Variants in LMBRD1 observed in about 807,000 individuals in gnomAD.
The protein encoded by LMBRD1 is LMBR1 domain containing 1.
A neutral mutation model predicts 74.8 loss-of-function variants in LMBRD1; 64 were observed. The ratio of observed to expected loss-of-function variants is 0.86; its 90% CI spans 0.70 to 1.05. The LOEUF (loss-of-function observed/expected upper bound fraction) is 1.05, where lower values mean the gene tolerates loss of function less well. Among genes scored for constraint, LMBRD1 ranks in the 50% least tolerant of loss-of-function variants. The pLI is 0.00. For missense variants in LMBRD1, 652 were observed against 645.9 expected, an observed-to-expected ratio of 1.01 and a Z score of -0.10; for synonymous variants, 204 against 216.3, an observed-to-expected ratio of 0.94 and a Z score of 0.50.
At chr6:69,736,829 A>G (rs1384420422) in intron 7 of LMBRD1, among the ~76,000 whole-genome samples, 2 of 152,196 alleles carry the variant, frequency 1.3e-5, no homozygotes, top group East Asian at 3.9e-4. Flanking sequence ...TCTAATTCCT[A>G]ATTTGTTATT....
At chr6:69,783,935 C>T (rs1336965063) in intron 2 of LMBRD1, among the ~76,000 whole-genome samples, 1 of 152,194 alleles carries the variant, frequency 6.6e-6, no homozygotes, top group Non-Finnish European at 1.5e-5. Flanking sequence ...GCATCTTTTA[C>T]TCTATAAGGA....
chr6:69,675,632 C>T lies in LMBRD1; in HGVS notation c.*526G>A, dbSNP rs1765529194. Among the ~76,000 whole-genome samples, 1 of 152,110 alleles carries T rather than the reference C, an allele frequency of 6.6e-6. No individual in the cohort carries two copies. Among genetic ancestry groups the T allele is most frequent in the African/African-American group, 2.4e-5 (1 of 41,426 alleles). ...GAACGCCATGCTCTTAGAGCACTAA[C>T]TAGAGTTTGAAATCTTTTCATGAAA... On this transcript the variant is annotated 3_prime_UTR_variant, in exon 16 of 16. Coordinates refer to ENST00000649934, the MANE Select transcript of LMBRD1 (RefSeq NM_018368.4).
intron 5 of LMBRD1, among the ~76,000 whole-genome samples, chr6:69,744,236 T>C (rs1016896338): frequency 1.3e-5 from 2 of 152,178 alleles, no homozygotes; most frequent in African/African-American, 4.8e-5. Flanking sequence ...AAAAAATGTA[T>C]ACAGAACACC....
intron 3 of LMBRD1, among the ~76,000 whole-genome samples, chr6:69,753,160 C>G (rs1765199979): frequency 6.6e-6 from 1 of 152,052 alleles, no homozygotes; most frequent in South Asian, 2.1e-4. Flanking sequence ...AAATATTTAT[C>G]TAAATTCAAT....
At chr6:69,774,992 AGGG>A (rs1562121748) in intron 3 of LMBRD1, among the ~76,000 whole-genome samples, 2,616 of 31,174 alleles carry the variant, frequency 0.084, 399 homozygotes, top group South Asian at 0.17. Context: ...GAAGGAAGGG[AGGG>A]AGGGAGGGAG....
intron 7 of LMBRD1, among the ~76,000 whole-genome samples, chr6:69,724,543 C>T (rs1435117828): frequency 2.8e-5 from 4 of 143,224 alleles, no homozygotes; most frequent in Non-Finnish European, 6.2e-5. Context: ...AGGGATAAAT[C>T]CCACTTGGTC....
chr6:69,792,875 G>A (rs1009683003), intron 1 of LMBRD1, among the ~76,000 whole-genome samples: 8 of 152,124 alleles, frequency 5.3e-5, no homozygotes, highest in African/African-American at 1.9e-4. Context: ...CTAGGAAACG[G>A]CAACCAGGCA....
chr6:69,796,991 G>T lies in LMBRD1; in HGVS notation c.-110C>A. The T allele has an allele frequency of 1.1e-6, 1 of 941,908 alleles. No homozygotes were observed. The allele number at this position is 941,908 out of a possible 1,614,324, so 58.3% of individuals were successfully genotyped here. A position where few individuals can be genotyped will look rare whatever the true frequency, so the allele number is the denominator to read the frequency against. On this transcript the variant is annotated 5_prime_UTR_variant, in exon 1 of 16. Transcript: ENST00000649934. Reference sequence around the variant, plus strand: ...CCCGCGCACCCTAAAGGTTAAAGGGGCGGAGGGGGAGGAGCAAGTGGTTGC... The same window carrying T: ...CCCGCGCACCCTAAAGGTTAAAGGGTCGGAGGGGGAGGAGCAAGTGGTTGC...
chr6:69,718,322 T>C (rs966625240), intron 8 of LMBRD1, among the ~76,000 whole-genome samples: 2 of 152,174 alleles, frequency 1.3e-5, no homozygotes, highest in Non-Finnish European at 2.9e-5. Flanking sequence ...ACCTGAGAAC[T>C]AGTAAGTTCT....
chr6:69,717,087 C>T (rs1028410602), intron 8 of LMBRD1, among the ~76,000 whole-genome samples: 4 of 151,630 alleles, frequency 2.6e-5, no homozygotes, highest in Admixed American at 6.6e-5. Flanking sequence ...GAGTTGTTCT[C>T]GACATATATT....
intron 5 of LMBRD1, among the ~76,000 whole-genome samples, chr6:69,747,226 T>C (rs1767256044): frequency 6.6e-6 from 1 of 152,136 alleles, no homozygotes; most frequent in African/African-American, 2.4e-5. Flanking sequence ...AGAGTGCTCC[T>C]TCTCTCTCCT....
At chr6:69,741,171 G>A (rs1473085557) in intron 6 of LMBRD1, among the ~76,000 whole-genome samples, 2 of 151,910 alleles carry the variant, frequency 1.3e-5, no homozygotes, top group Non-Finnish European at 2.9e-5. Flanking sequence ...TATCCTAAGT[G>A]AATTAAAAAT....
At chr6:69,696,550 G>A (rs931945011) in intron 14 of LMBRD1, among the ~76,000 whole-genome samples, 2 of 151,458 alleles carry the variant, frequency 1.3e-5, no homozygotes, top group Non-Finnish European at 2.9e-5. Context: ...TTGAACACAC[G>A]CCTGTGCAAT....
intron 2 of LMBRD1, among the ~76,000 whole-genome samples, chr6:69,786,278 T>C (rs192860908): frequency 2.9e-4 from 44 of 152,234 alleles, no homozygotes; most frequent in Middle Eastern, 6.8e-3. Context: ...GTTCCCACCA[T>C]TTGAAAATAG....
chr6:69,791,900 C>A (rs1041840959), intron 1 of LMBRD1, among the ~76,000 whole-genome samples: 6 of 152,170 alleles, frequency 3.9e-5, no homozygotes, highest in African/African-American at 1.4e-4. Context: ...AGGGTGTGGA[C>A]CAAGCTGGTT....
intron 3 of LMBRD1, among the ~76,000 whole-genome samples, chr6:69,761,211 T>G (rs1330604741): frequency 6.6e-6 from 1 of 152,188 alleles, no homozygotes; most frequent in African/African-American, 2.4e-5. Context: ...AGGGTTGAAC[T>G]TAGACTTTGT....
At chr6:69,687,651 G>A (rs1444391805) in intron 14 of LMBRD1, among the ~76,000 whole-genome samples, 2 of 152,100 alleles carry the variant, frequency 1.3e-5, no homozygotes. Flanking sequence ...TATTCGAAAG[G>A]TGACTGAAAT....
intron 9 of LMBRD1, among the ~76,000 whole-genome samples, chr6:69,704,930 TG>T (rs1766218782): frequency 6.6e-6 from 1 of 151,716 alleles, no homozygotes; most frequent in Non-Finnish European, 1.5e-5. Context: ...CCACTTTTAC[TG>T]GTAAGTGTGT....
intron 7 of LMBRD1, among the ~76,000 whole-genome samples, chr6:69,732,342 T>C (rs977359969): frequency 6.6e-6 from 1 of 152,120 alleles, no homozygotes; most frequent in Non-Finnish European, 1.5e-5. Context: ...TTGCTTCCTC[T>C]CTCTCCCTGC....
Sources: gnomAD v4.1 joint callset for allele counts (sites outside exome capture counted in the v4.1 genomes callset) on GRCh38, gnomAD v4.1.1 for gene constraint, MANE v1.5 for transcripts, NCBI Gene and HGNC (gene_info 2026-07-23, HGNC 2026-07-21) for gene names.